Variants in FBXO47 observed in about 807,000 individuals in gnomAD.
FBXO47 encodes the protein F-box only protein 47.
FBXO47 carries 34 observed loss-of-function variants against 53.9 expected under a neutral mutation model. That is an observed-to-expected ratio of 0.63 (90% CI 0.48 to 0.84). The LOEUF (loss-of-function observed/expected upper bound fraction) is 0.84. FBXO47 is among the 40% of genes least tolerant of loss of function. FBXO47 has a pLI of 0.00. For synonymous variants in FBXO47, 165 were observed against 181.6 expected, an observed-to-expected ratio of 0.91 and a Z score of 0.73; for missense variants, 485 against 541.3, an observed-to-expected ratio of 0.90 and a Z score of 1.03.
At chr17:38,945,566 A>C (rs1041944913) in intron 6 of FBXO47, among the ~76,000 whole-genome samples, 4 of 152,002 alleles carry the variant, frequency 2.6e-5, no homozygotes, top group African/African-American at 9.7e-5. Context: ...TGTGAAGCCG[A>C]GGTGGGAGGA....
intron 3 of FBXO47, among the ~76,000 whole-genome samples, chr17:38,960,530 G>GA (rs1348339347): frequency 6.6e-6 from 1 of 151,670 alleles, no homozygotes; most frequent in African/African-American, 2.4e-5. Flanking sequence ...TGATCAGGGA[G>GA]AAAAATTTCT....
intron 3 of FBXO47, 73 bp downstream of exon 3, chr17:38,961,804 C>A: frequency 7.4e-7 from 1 of 1,342,906 alleles, no homozygotes; most frequent in Non-Finnish European, 1.0e-6. Flanking sequence ...ACTGGCCTTA[C>A]AGAATTGTAT....
chr17:38,938,798 G>A lies in FBXO47; in HGVS notation c.1084-66C>T. On this transcript the variant is annotated intron_variant, in intron 9 of 10. Coordinates refer to ENST00000378079, the MANE Select transcript of FBXO47 (RefSeq NM_001008777.3). Reference sequence around the variant, plus strand: ...GAAAGCTATAGAATTTGAAAATGGTGAACAATGATGAATAATTATAGTTTG... The same window carrying A: ...GAAAGCTATAGAATTTGAAAATGGTAAACAATGATGAATAATTATAGTTTG... 6 of 1,213,926 alleles carry A rather than the reference G, an allele frequency of 4.9e-6. No homozygotes were observed. The South Asian group carries it at 8.2e-5, about 17-fold the overall frequency. 75.2% of individuals were successfully genotyped at this position (1,213,926 alleles called of 1,614,324 possible). A position where few individuals can be genotyped will look rare whatever the true frequency, so the allele number is the denominator to read the frequency against.
At chr17:38,960,115 A>G (rs1176551660) in intron 3 of FBXO47, among the ~76,000 whole-genome samples, 2 of 152,052 alleles carry the variant, frequency 1.3e-5, no homozygotes, top group East Asian at 3.9e-4. Context: ...CCCAAAGCAC[A>G]GCATTCTGAA....
At position 38,962,855 on chromosome 17, in the gene FBXO47, T is replaced by C; in HGVS notation, c.171A>G (p.Lys57=). 1 of 1,609,978 alleles carries C rather than the reference T, an allele frequency of 6.2e-7. No homozygotes were observed. Among genetic ancestry groups the C allele is most frequent in the Non-Finnish European group, 8.5e-7 (1 of 1,177,804 alleles). The change falls in exon 2 of 11, where the codon AAA becomes AAG. Residue 57 remains lysine, a synonymous_variant. Transcript: ENST00000378079. ...GTTCCCAAACCTCACCTGACAAATA[T>C]TTTAAAATTATCTGGAATATTTCCA... ...LPLEIFQIIL[K]YLSVKDISML... is the part of the protein sequence containing the mutation.
intron 5 of FBXO47, among the ~76,000 whole-genome samples, chr17:38,952,756 T>C (rs1307160217): frequency 6.6e-6 from 1 of 151,868 alleles, no homozygotes; most frequent in South Asian, 2.1e-4. Flanking sequence ...ATTTATGATA[T>C]TGCTTATAAA....
At chr17:38,944,911 T>C in intron 7 of FBXO47, 49 bp downstream of exon 7, 1 of 1,479,770 alleles carries the variant, frequency 6.8e-7, no homozygotes, top group Non-Finnish European at 9.4e-7. Context: ...CTTCCTAAAG[T>C]AAAAATAATG....
chr17:38,947,073 C>CATATATAAATATATAAAT (rs1567717692), intron 6 of FBXO47, among the ~76,000 whole-genome samples: 2 of 122,280 alleles, frequency 1.6e-5, no homozygotes, highest in African/African-American at 7.4e-5. Flanking sequence ...TATATATAAA[C>CATATATAAATATATAAAT]ATATATAAAC....
At chr17:38,958,146 T>TA (rs2143955519) in intron 3 of FBXO47, among the ~76,000 whole-genome samples, 1 of 152,072 alleles carries the variant, frequency 6.6e-6, no homozygotes, top group East Asian at 1.9e-4. Context: ...AGCCAATTTT[T>TA]AAAAAACATT....
rs751066104 is a variant in FBXO47 at position 38,945,017 on chromosome 17, T to C, written c.736A>G (p.Met246Val). ...WLTRILKPWP[M>V]VNQARLLYII... The stretch of plus-strand genomic sequence containing the variant: ...TACAGTAATCTTGCCTGATTCACCA[T>C]TGGCCATGGTTTTAATATTCGCGTC... Residue 246 changes from methionine (M) to valine (V), a missense_variant, in exon 7 of 11, where the codon ATG becomes GTG. By Grantham distance (21) the Met-to-Val change is conservative. Coordinates refer to ENST00000378079, the MANE Select transcript of FBXO47 (RefSeq NM_001008777.3). 7 of 1,613,882 alleles carry C rather than the reference T, an allele frequency of 4.3e-6. No homozygotes were observed. The highest frequency in any genetic ancestry group is 4.5e-5 in the East Asian group (2 of 44,882).
At chr17:38,961,230 T>C (rs1905800070) in intron 3 of FBXO47, among the ~76,000 whole-genome samples, 1 of 152,238 alleles carries the variant, frequency 6.6e-6, no homozygotes, top group African/African-American at 2.4e-5. Context: ...TTGGTTTTAT[T>C]GCCATGCTTT....
At chr17:38,965,882 C>CAAAAA (rs35075482) in intron 1 of FBXO47, among the ~76,000 whole-genome samples, 7 of 99,622 alleles carry the variant, frequency 7.0e-5, no homozygotes, top group African/African-American at 2.4e-4. Flanking sequence ...GAATCTGCCT[C>CAAAAA]AAAAAAAAAA....
chr17:38,956,591 C>CA (rs1158036745), intron 4 of FBXO47, among the ~76,000 whole-genome samples: 4,681 of 55,940 alleles, frequency 0.084, 195 homozygotes, highest in East Asian at 0.2. Flanking sequence ...TCTGTCTCAA[C>CA]AAAAAAAAAA....
intron 1 of FBXO47, among the ~76,000 whole-genome samples, chr17:38,966,590 G>C (rs1213296194): frequency 1.3e-5 from 2 of 152,162 alleles, no homozygotes; most frequent in Non-Finnish European, 2.9e-5. Flanking sequence ...GTGGACAGTG[G>C]GGCTTGGGCC....
chr17:38,945,025 G>A lies in FBXO47; in HGVS notation c.728C>T (p.Pro243Leu), dbSNP rs367954804. 1.5e-5 allele frequency: 25 copies of A among 1,613,968 alleles called. No individual in the cohort carries two copies. The highest frequency in any genetic ancestry group is 2.0e-5 in the Non-Finnish European group (24 of 1,180,010). Residue 243 changes from proline (P) to leucine (L), a missense_variant, in exon 7 of 11, where the codon CCA (proline) becomes CTA (leucine). Physicochemically the swap from Pro to Leu is moderately conservative, Grantham distance 98. Transcript: ENST00000378079. ...SAFWLTRILK[P>L]WPMVNQARLL... Reference sequence around the variant, plus strand: ...TCTTGCCTGATTCACCATTGGCCATGGTTTTAATATTCGCGTCAACCAAAA... The same window carrying A: ...TCTTGCCTGATTCACCATTGGCCATAGTTTTAATATTCGCGTCAACCAAAA...
chr17:38,951,079 G>T (rs1279280189), intron 6 of FBXO47, among the ~76,000 whole-genome samples: 2 of 151,116 alleles, frequency 1.3e-5, no homozygotes, highest in Non-Finnish European at 3.0e-5. Flanking sequence ...TTTTTGTAGA[G>T]ACATGGTCTG....
intron 2 of FBXO47, 71 bp from the exon 3 acceptor site, chr17:38,962,118 A>G: frequency 1.6e-6 from 2 of 1,217,046 alleles, no homozygotes; most frequent in Non-Finnish European, 2.3e-6. Flanking sequence ...AACACAGTCT[A>G]TTAACTTATA....
intron 2 of FBXO47, among the ~76,000 whole-genome samples, 199 bp from the exon 3 acceptor site, chr17:38,962,246 A>G (rs1056471925): frequency 6.6e-6 from 1 of 152,230 alleles, no homozygotes; most frequent in African/African-American, 2.4e-5. Flanking sequence ...GGATTTACCA[A>G]TCAAGGTACT....
intron 8 of FBXO47, 54 bp downstream of exon 8, chr17:38,943,536 C>G (rs1037894321): frequency 8.6e-6 from 10 of 1,165,878 alleles, no homozygotes; most frequent in Middle Eastern, 2.3e-4. Context: ...AATTTTATAA[C>G]TGCATTTTAA....
Sources: allele counts gnomAD v4.1 joint callset (sites outside exome capture counted in the v4.1 genomes callset), GRCh38; gene constraint gnomAD v4.1.1; transcripts MANE v1.5; gene names NCBI Gene and HGNC (gene_info 2026-07-23, HGNC 2026-07-21).